The following C3orf49 variants were observed in gnomAD, a reference collection of about 807,000 sequenced individuals.
C3orf49 encodes chromosome 3 open reading frame 49.
Under a neutral mutation model 13.3 loss-of-function variants are expected in C3orf49, and 27 were observed. That is an observed-to-expected ratio of 2.02 (90% CI 1.49 to 2.79). The LOEUF (loss-of-function observed/expected upper bound fraction) is 2.79, where lower values mean the gene tolerates loss of function less well. Among genes scored for constraint, C3orf49 ranks in the 30% most tolerant of loss-of-function variants. The pLI, the probability that C3orf49 is intolerant of heterozygous loss-of-function variation, is 0.00. For missense variants in C3orf49, 242 were observed against 134.2 expected (o/e 1.80, Z -3.97); for synonymous variants, 87 against 47.6 (o/e 1.83, Z -3.40).
At chr3:63,816,865 C>T (rs957944153), upstream of C3orf49, among the ~76,000 whole-genome samples, 3 of 150,434 alleles carry the variant, frequency 2.0e-5, no homozygotes, top group South Asian at 2.1e-4. Flanking sequence ...CTCTGCCTCC[C>T]GTGTTCACGC....
At position 63,829,797 on chromosome 3, in the gene C3orf49, C is replaced by CA. The variant is rs1052173848; in HGVS notation, c.571-1303dup. 3.9e-3 allele frequency among the ~76,000 whole-genome samples: 580 copies of CA among 146,874 alleles called. 4 individuals are homozygous for CA. The highest frequency in any genetic ancestry group is 8.0e-3 in the African/African-American group (322 of 40,076). On this transcript the variant is annotated intron_variant, in intron 3 of 6. Coordinates refer to ENST00000295896, the MANE Select transcript of C3orf49 (RefSeq NM_001355236.2). ...GCAACATGGCAAAACCCCATCTCTACAAAAAAAAAATGTAAAAATTAGCTG... is the reference window on the plus strand; with the variant it reads ...GCAACATGGCAAAACCCCATCTCTACAAAAAAAAAAATGTAAAAATTAGCTG...
At chr3:63,814,072 T>A in the C3orf49 span, among the ~76,000 whole-genome samples, 4 of 152,168 alleles carry the variant, frequency 2.6e-5, no homozygotes, top group African/African-American at 9.7e-5. Flanking sequence ...TGCAACCAGA[T>A]AGCAAGAAGA....
At chr3:63,822,027 T>G (rs889789029) in intron 1 of C3orf49, among the ~76,000 whole-genome samples, 2 of 152,044 alleles carry the variant, frequency 1.3e-5, no homozygotes, top group Middle Eastern at 3.4e-3. Context: ...CCAGGCTGGA[T>G]TGCAGTGGCG....
intron 5 of C3orf49, among the ~76,000 whole-genome samples, chr3:63,836,818 A>C (rs999178662): frequency 6.6e-6 from 1 of 152,032 alleles, no homozygotes; most frequent in African/African-American, 2.4e-5. Flanking sequence ...AAACTTGCAA[A>C]TAACTTAAAA....
chr3:63,845,161 C>T, intron 6 of C3orf49, 79 bp downstream of exon 6: 1 of 586,388 alleles, frequency 1.7e-6, no homozygotes, highest in Non-Finnish European at 3.1e-6. Context: ...CCCCTCAGAT[C>T]TGAGCTCTGC....
chr3:63,807,907 A>C, the C3orf49 span, among the ~76,000 whole-genome samples: 1 of 151,010 alleles, frequency 6.6e-6, no homozygotes, highest in African/African-American at 2.4e-5. Flanking sequence ...GAAATAAATA[A>C]ATAAATAAAT....
At chr3:63,807,857 C>CAAA in the C3orf49 span, among the ~76,000 whole-genome samples, 60 of 32,164 alleles carry the variant, frequency 1.9e-3, no homozygotes, top group South Asian at 3.6e-3. Flanking sequence ...AACTTCATCT[C>CAAA]AAAAAAAAAA....
intron 5 of C3orf49, among the ~76,000 whole-genome samples, chr3:63,839,996 GAA>G (rs1439510617): frequency 2.0e-5 from 3 of 152,140 alleles, no homozygotes; most frequent in Admixed American, 1.3e-4. Flanking sequence ...ATATACTAAA[GAA>G]AAAAGAAAGT....
Position 63,823,470 on chromosome 3 carries a change from G to A in C3orf49, c.346G>A (p.Ala116Thr). ...SQEGSTDHKEALLSNTQSLLP... is the reference protein window; with the variant it reads ...SQEGSTDHKETLLSNTQSLLP... ...AGAGGGCTCCACTGACCATAAAGAAGCCCTCCTGTCAAACACGCAGAGCCT... is the reference window on the plus strand; with the variant it reads ...AGAGGGCTCCACTGACCATAAAGAAACCCTCCTGTCAAACACGCAGAGCCT... Residue 116 changes from alanine to threonine, a missense_variant, in exon 2 of 7, where the codon GCC (alanine) becomes ACC (threonine). Coordinates refer to ENST00000295896, the MANE Select transcript of C3orf49 (RefSeq NM_001355236.2). The A allele has an allele frequency of 1.4e-6, 1 of 703,018 alleles. No individual in the cohort carries two copies. The highest frequency in any genetic ancestry group is 2.3e-4 in the Middle Eastern group (1 of 4,394). 43.5% of individuals were successfully genotyped at this position (703,018 alleles called of 1,614,324 possible). A position where few individuals can be genotyped will look rare whatever the true frequency, so the allele number is the denominator to read the frequency against.
intron 2 of C3orf49, among the ~76,000 whole-genome samples, chr3:63,825,403 T>A (rs1204134071): frequency 6.6e-6 from 1 of 152,180 alleles, no homozygotes; most frequent in Non-Finnish European, 1.5e-5. Context: ...AATACAAGCA[T>A]CCAAGCATCT....
At chr3:63,830,867 T>C (rs971971058) in intron 3 of C3orf49, among the ~76,000 whole-genome samples, 3 of 152,186 alleles carry the variant, frequency 2.0e-5, no homozygotes, top group Non-Finnish European at 4.4e-5. Flanking sequence ...CTGTATATTC[T>C]TTCAGAGCCA....
the C3orf49 span, among the ~76,000 whole-genome samples, chr3:63,800,026 A>T: frequency 6.6e-6 from 1 of 152,188 alleles, no homozygotes; most frequent in African/African-American, 2.4e-5. Context: ...CCTGCACAGG[A>T]TGGAATGTAC....
chr3:63,846,682 A>G (rs1302964718), intron 6 of C3orf49, among the ~76,000 whole-genome samples: 1 of 152,120 alleles, frequency 6.6e-6, no homozygotes, highest in Non-Finnish European at 1.5e-5. Flanking sequence ...AAGTGCGGGA[A>G]TTATAGGCAT....
At chr3:63,786,801 C>T in the C3orf49 span, among the ~76,000 whole-genome samples, 7 of 152,160 alleles carry the variant, frequency 4.6e-5, no homozygotes, top group Admixed American at 3.9e-4. Flanking sequence ...TTTCAAGTGG[C>T]TTGTCCCCAG....
Position 63,831,809 on chromosome 3 carries a change from T to G in C3orf49, c.814T>G (p.Ser272Ala), listed in dbSNP as rs1380577234. 1.4e-6 allele frequency: 1 copy of G among 701,236 alleles called. No individual in the cohort carries two copies. The highest frequency in any genetic ancestry group is 2.6e-6 in the Non-Finnish European group (1 of 384,628). 43.4% of individuals were successfully genotyped at this position (701,236 alleles called of 1,614,324 possible). A position where few individuals can be genotyped will look rare whatever the true frequency, so the allele number is the denominator to read the frequency against. Reference sequence around the variant, plus strand: ...GTCTTCTAAACAGTTCCAGAGGATATCCAAGAGAACCATGAGGAAGTATAA... The same window carrying G: ...GTCTTCTAAACAGTTCCAGAGGATAGCCAAGAGAACCATGAGGAAGTATAA... The part of the protein sequence containing the change: ...LQSSKQFQRI[S>A]KRTMRKYKLK... The change falls in exon 5 of 7, where the codon TCC becomes GCC. Residue 272 changes from serine to alanine, a missense_variant. Ser to Ala is a moderately conservative substitution (Grantham distance 99, BLOSUM62 1). Coordinates refer to ENST00000295896, the MANE Select transcript of C3orf49 (RefSeq NM_001355236.2).
chr3:63,820,009 T>C (rs1226777094), intron 1 of C3orf49, among the ~76,000 whole-genome samples: 1 of 152,236 alleles, frequency 6.6e-6, no homozygotes, highest in Non-Finnish European at 1.5e-5. Context: ...CTGAAATATG[T>C]ACTAATCACA....
intron 5 of C3orf49, among the ~76,000 whole-genome samples, chr3:63,844,656 G>GATAA (rs1454905212): frequency 2.6e-5 from 4 of 152,146 alleles, no homozygotes; most frequent in Non-Finnish European, 5.9e-5. Flanking sequence ...ATCTCGGAGT[G>GATAA]AGCTCCTGAT....
intron 5 of C3orf49, among the ~76,000 whole-genome samples, chr3:63,843,222 G>A (rs970961236): frequency 3.3e-5 from 5 of 152,054 alleles, no homozygotes; most frequent in African/African-American, 1.2e-4. Flanking sequence ...GGGTTCAAGC[G>A]ATTCTCTTGC....
intron 6 of C3orf49, among the ~76,000 whole-genome samples, chr3:63,847,326 G>A (rs1701920387): frequency 6.6e-6 from 1 of 152,068 alleles, no homozygotes; most frequent in African/African-American, 2.4e-5. Flanking sequence ...TTTTAACCAT[G>A]GCCATTTTAA....
Sources: gnomAD v4.1 joint callset for allele counts (sites outside exome capture counted in the v4.1 genomes callset) on GRCh38, gnomAD v4.1.1 for gene constraint, MANE v1.5 for transcripts, NCBI Gene and HGNC (gene_info 2026-07-23, HGNC 2026-07-21) for gene names.